Variants in AMBRA1 observed in about 807,000 individuals in gnomAD.
AMBRA1 encodes the protein autophagy and beclin 1 regulator 1.
In AMBRA1, 47 loss-of-function variants were observed where a neutral mutation model predicts 125.4. That is an observed-to-expected ratio of 0.37 (90% CI 0.30 to 0.48). The LOEUF (loss-of-function observed/expected upper bound fraction) is 0.48, where lower values mean the gene tolerates loss of function less well. Ranked by LOEUF, AMBRA1 falls within the 20% of genes least tolerant of loss-of-function variation. The pLI is 0.99. For synonymous variants in AMBRA1, 626 were observed against 655.5 expected (o/e 0.95, Z 0.69); for missense variants, 1,331 against 1,693.4 (o/e 0.79, Z 3.76).
intron 15 of AMBRA1, among the ~76,000 whole-genome samples, chr11:46,411,689 G>A (rs1316959697): frequency 2.0e-5 from 3 of 152,086 alleles, no homozygotes; most frequent in Admixed American, 6.5e-5. Flanking sequence ...GGCTGGTCTC[G>A]AACTCCTGAC....
At chr11:46,544,945 C>T (rs981606637) in intron 5 of AMBRA1, among the ~76,000 whole-genome samples, 2 of 151,534 alleles carry the variant, frequency 1.3e-5, no homozygotes, top group Non-Finnish European at 2.9e-5. Flanking sequence ...AGTGAGGCCC[C>T]GCCCCCCAAA....
chr11:46,427,674 A>C (rs1349520034), intron 14 of AMBRA1, among the ~76,000 whole-genome samples: 1 of 152,132 alleles, frequency 6.6e-6, no homozygotes, highest in Non-Finnish European at 1.5e-5. Context: ...CACATTGAGA[A>C]CTGCTGTGCA....
At chr11:46,564,840 C>A (rs887825960) in intron 1 of AMBRA1, among the ~76,000 whole-genome samples, 2 of 152,176 alleles carry the variant, frequency 1.3e-5, no homozygotes, top group Non-Finnish European at 2.9e-5. Flanking sequence ...GTAATATATA[C>A]ACAGATCATC....
At chr11:46,411,099 C>CAAAAA (rs59903160) in intron 15 of AMBRA1, among the ~76,000 whole-genome samples, 3 of 60,152 alleles carry the variant, frequency 5.0e-5, no homozygotes, top group Non-Finnish European at 9.6e-5. Flanking sequence ...GACTCTGTCT[C>CAAAAA]AAAAAAAAAA....
chr11:46,564,832 A>AAT (rs1320736611), intron 1 of AMBRA1, among the ~76,000 whole-genome samples: 6 of 152,212 alleles, frequency 3.9e-5, no homozygotes, highest in Non-Finnish European at 8.8e-5. Context: ...TAGTATTTGT[A>AAT]ATATATACAC....
intron 7 of AMBRA1, among the ~76,000 whole-genome samples, chr11:46,525,284 G>A (rs1345860993): frequency 2.6e-5 from 4 of 152,052 alleles, no homozygotes; most frequent in Admixed American, 2.0e-4. Flanking sequence ...CTGGGCAACC[G>A]ATTGAAACCC....
At chr11:46,573,101 CA>C (rs36105565) in intron 1 of AMBRA1, among the ~76,000 whole-genome samples, 554 of 117,618 alleles carry the variant, frequency 4.7e-3, no homozygotes, top group Middle Eastern at 5.2e-3. Flanking sequence ...AACTCTGTCT[CA>C]AAAAAAAAAA....
At chr11:46,482,646 C>T (rs143885481) in intron 11 of AMBRA1, among the ~76,000 whole-genome samples, 5 of 152,190 alleles carry the variant, frequency 3.3e-5, no homozygotes, top group Non-Finnish European at 7.4e-5. Context: ...TCCTTTGTAC[C>T]CTGGACCAGT....
intron 17 of AMBRA1, among the ~76,000 whole-genome samples, chr11:46,402,673 T>C (rs967317287): frequency 8.5e-5 from 13 of 152,224 alleles, no homozygotes; most frequent in African/African-American, 3.1e-4. Flanking sequence ...CTTACATGTC[T>C]AGTTCTCTCT....
At chr11:46,483,895 GA>G (rs1259991942) in intron 11 of AMBRA1, among the ~76,000 whole-genome samples, 5 of 150,304 alleles carry the variant, frequency 3.3e-5, no homozygotes, top group East Asian at 3.9e-4. Context: ...GTCTCGAAAA[GA>G]AAAAAAAAGG....
intron 11 of AMBRA1, among the ~76,000 whole-genome samples, chr11:46,474,546 G>A (rs1170277140): frequency 6.6e-6 from 1 of 152,070 alleles, no homozygotes; most frequent in Non-Finnish European, 1.5e-5. Flanking sequence ...GTGACACCAC[G>A]CCTGGCTGAC....
intron 1 of AMBRA1, among the ~76,000 whole-genome samples, chr11:46,571,120 G>A (rs2135274765): frequency 6.6e-6 from 1 of 152,228 alleles, no homozygotes; most frequent in African/African-American, 2.4e-5. Flanking sequence ...CAATGGTTCT[G>A]GCTTCAATTC....
chr11:46,441,970 C>CT (rs764444865), intron 12 of AMBRA1, among the ~76,000 whole-genome samples: 6,435 of 116,604 alleles, frequency 0.055, 461 homozygotes, highest in African/African-American at 0.15. Context: ...AAAAAAAAAA[C>CT]TTTTTTTTTT....
chr11:46,519,924 G>A (rs912309879), intron 7 of AMBRA1, among the ~76,000 whole-genome samples: 4 of 152,132 alleles, frequency 2.6e-5, no homozygotes, highest in African/African-American at 4.8e-5. Flanking sequence ...CGGATCACCT[G>A]AGGTTGGGAG....
At chr11:46,408,445 G>C in intron 17 of AMBRA1, 68 bp downstream of exon 17, 1 of 1,392,262 alleles carries the variant, frequency 7.2e-7, no homozygotes, top group Non-Finnish European at 9.4e-7. Flanking sequence ...TGCATCCTGA[G>C]TGGGAAGTGG....
At chr11:46,479,394 T>A (rs1047520647) in intron 11 of AMBRA1, among the ~76,000 whole-genome samples, 2 of 152,148 alleles carry the variant, frequency 1.3e-5, no homozygotes, top group Non-Finnish European at 2.9e-5. Flanking sequence ...GCTGATGGAA[T>A]GGACAAAAGC....
At position 46,542,743 on chromosome 11, in the gene AMBRA1, C is replaced by T; in HGVS notation, c.1274G>A (p.Ser425Asn). The T allele has an allele frequency of 1.2e-6, 2 of 1,613,992 alleles. No homozygotes were observed. Among genetic ancestry groups the T allele is most frequent in the Non-Finnish European group, 1.7e-6 (2 of 1,179,996 alleles). Residue 425 changes from serine to asparagine, a missense_variant, in exon 7 of 18, where the codon AGT becomes AAT. Ser to Asn is a conservative substitution (Grantham distance 46). This residue lies in a region of AMBRA1 where 689 missense variants were observed against 776.5 expected (regional missense o/e 0.89). Coordinates refer to ENST00000683756, the MANE Select transcript of AMBRA1 (RefSeq NM_001387011.1). This position sits in a 1 kb window ranked among gnomAD's most constrained non-coding sequence, Gnocchi z 5.9. The stretch of plus-strand genomic sequence containing the variant: ...TTCCGCCTCAGAGCGGGAGTTCAGA[C>T]TGAGTACTGTCCGGGTCCACTCAGA... ...TGSEWTRTVL[S>N]LNSRSEAESM...
At chr11:46,534,802 T>C (rs1237230575) in intron 7 of AMBRA1, among the ~76,000 whole-genome samples, 1 of 152,048 alleles carries the variant, frequency 6.6e-6, no homozygotes, top group Non-Finnish European at 1.5e-5. Context: ...GCCCCACGAG[T>C]AGCTGGGACT....
At chr11:46,459,935 G>A (rs757800741) in intron 11 of AMBRA1, among the ~76,000 whole-genome samples, 11 of 152,140 alleles carry the variant, frequency 7.2e-5, no homozygotes, top group Non-Finnish European at 1.0e-4. Flanking sequence ...GGAGCCTCAG[G>A]TTCCCTCTTT....
Sources: gnomAD v4.1 joint callset for allele counts (sites outside exome capture counted in the v4.1 genomes callset) on GRCh38, gnomAD v4.1.1 for gene constraint, gnomAD v4.1.1 regional missense constraint, Gnocchi (gnomAD v3.1) non-coding constraint, MANE v1.5 for transcripts, NCBI Gene and HGNC (gene_info 2026-07-23, HGNC 2026-07-21) for gene names.